The following PARD3 variants were observed in gnomAD, a reference collection of about 807,000 sequenced individuals.
PARD3 encodes par-3 family cell polarity regulator, also known as partitioning defective 3 homolog.
Under a neutral mutation model 155.4 loss-of-function variants are expected in PARD3, and 75 were observed. The ratio of observed to expected loss-of-function variants is 0.48; its 90% CI spans 0.40 to 0.58. PARD3 has a LOEUF of 0.58. Among genes scored for constraint, PARD3 ranks in the 20% least tolerant of loss-of-function variants. The probability of loss-of-function intolerance (pLI) is 0.00; values close to 1 mark genes in which losing one functional copy is unlikely to be tolerated. For missense variants in PARD3, 1,642 were observed against 1,721.7 expected, an observed-to-expected ratio of 0.95 and a Z score of 0.82; for synonymous variants, 576 against 610.5, an observed-to-expected ratio of 0.94 and a Z score of 0.83.
In PARD3 at chr10:34,173,828, C is replaced by T. The variant is rs115881926; in HGVS notation, c.3420-42245G>A. The stretch of plus-strand genomic sequence containing the variant: ...TAATTTTCCACATCAGAGCTCCTGG[C>T]TTCATTTGCCAAATGCCCAAGGCAA... On this transcript the variant is annotated intron_variant, in intron 22 of 24. Coordinates refer to ENST00000374788, the MANE Select transcript of PARD3 (RefSeq NM_001184785.2). Among the ~76,000 whole-genome samples the T allele has an allele frequency of 5.7e-3, 874 of 152,256 alleles. 6 individuals carry two copies. Among genetic ancestry groups the T allele is most frequent in the African/African-American group, 0.02 (823 of 41,526 alleles).
intron 4 of PARD3, among the ~76,000 whole-genome samples, chr10:34,464,389 T>C (rs2077875468): frequency 6.6e-6 from 1 of 152,180 alleles, no homozygotes; most frequent in South Asian, 2.1e-4. Context: ...ATCTAGGACT[T>C]CTCAGAGCAT....
chr10:34,344,703 C>T (rs1441029578), intron 15 of PARD3: 1 of 985,224 alleles, frequency 1.0e-6, no homozygotes, highest in Non-Finnish European at 1.2e-6. Context: ...TGATGAATGT[C>T]CAGGACTATT....
intron 22 of PARD3, among the ~76,000 whole-genome samples, chr10:34,267,946 T>C (rs956921831): frequency 1.2e-4 from 19 of 152,296 alleles, no homozygotes; most frequent in African/African-American, 3.4e-4. Flanking sequence ...CTGGTTTTAA[T>C]GAAACCTGCT....
intron 4 of PARD3, among the ~76,000 whole-genome samples, chr10:34,463,038 AAGGGG>A (rs2077760900): frequency 1.5e-5 from 1 of 67,550 alleles, no homozygotes; most frequent in Non-Finnish European, 2.7e-5. Flanking sequence ...CGAGGAGGGG[AAGGGG>A]AGGAAAGGGA....
chr10:34,312,275 AATTT>A, intron 20 of PARD3: 2 of 1,606,090 alleles, frequency 1.2e-6, no homozygotes, highest in Non-Finnish European at 1.7e-6. Flanking sequence ...ATTAAAAGTA[AATTT>A]ATTGTTTGTT....
At chr10:34,284,272 G>T in intron 20 of PARD3, 27 bp from the exon 21 acceptor site, 1 of 1,303,726 alleles carries the variant, frequency 7.7e-7, no homozygotes, top group Non-Finnish European at 1.1e-6. Flanking sequence ...ATTCTAACTT[G>T]TCAATATATA....
chr10:34,563,403 T>A (rs2085661202), intron 2 of PARD3, among the ~76,000 whole-genome samples: 1 of 152,128 alleles, frequency 6.6e-6, no homozygotes, highest in Non-Finnish European at 1.5e-5. Flanking sequence ...AGTCTCGCAC[T>A]CTCACCAGGC....
At chr10:34,428,604 A>C (rs1439156651) in intron 5 of PARD3, among the ~76,000 whole-genome samples, 2 of 152,224 alleles carry the variant, frequency 1.3e-5, no homozygotes, top group Non-Finnish European at 2.9e-5. Context: ...AAAATGATGT[A>C]GCCCCCTTCA....
chr10:34,328,979 G>C (rs1436742399), intron 19 of PARD3, among the ~76,000 whole-genome samples: 3 of 152,176 alleles, frequency 2.0e-5, no homozygotes, highest in Admixed American at 6.5e-5. Flanking sequence ...TGCCACACGT[G>C]TATTTCCCAG....
At chr10:34,378,212 A>G (rs374516285) in intron 9 of PARD3, 106 bp from the exon 10 acceptor site, 5 of 776,706 alleles carry the variant, frequency 6.4e-6, no homozygotes, top group Non-Finnish European at 1.0e-5. Flanking sequence ...TGTAACTTTC[A>G]CAATGGTCCA....
At chr10:34,374,379 C>T (rs1004476817) in intron 11 of PARD3, among the ~76,000 whole-genome samples, 5 of 152,112 alleles carry the variant, frequency 3.3e-5, no homozygotes, top group East Asian at 3.8e-4. Flanking sequence ...AGGCTTATTG[C>T]CACTTAGGTC....
chr10:34,787,686 C>A (rs1841142545), intron 1 of PARD3, among the ~76,000 whole-genome samples: 1 of 151,958 alleles, frequency 6.6e-6, no homozygotes, highest in Non-Finnish European at 1.5e-5. Flanking sequence ...GAAAAGATAA[C>A]CGTCATAGTC....
chr10:34,325,103 G>A (rs539285323), intron 19 of PARD3, among the ~76,000 whole-genome samples: 2 of 151,964 alleles, frequency 1.3e-5, no homozygotes, highest in South Asian at 2.1e-4. Flanking sequence ...TCCGCCTCCC[G>A]GGTTCAAGCA....
At chr10:34,613,714 G>A (rs1398030213) in intron 2 of PARD3, among the ~76,000 whole-genome samples, 2 of 152,004 alleles carry the variant, frequency 1.3e-5, no homozygotes, top group Non-Finnish European at 2.9e-5. Flanking sequence ...ATTTCCTGTA[G>A]AATAAAAAAA....
intron 2 of PARD3, among the ~76,000 whole-genome samples, chr10:34,540,190 A>T (rs1255997752): frequency 6.6e-6 from 1 of 152,162 alleles, no homozygotes; most frequent in Admixed American, 6.5e-5. Context: ...GTCAAACAAC[A>T]GCACGCATTA....
intron 22 of PARD3, among the ~76,000 whole-genome samples, chr10:34,239,153 C>T (rs1953422427): frequency 6.6e-6 from 1 of 152,208 alleles, no homozygotes; most frequent in Admixed American, 6.5e-5. Flanking sequence ...TATTTAAGGT[C>T]ATGTGAATTC....
chr10:34,612,033 A>G (rs1175243654), intron 2 of PARD3, among the ~76,000 whole-genome samples: 2 of 149,286 alleles, frequency 1.3e-5, no homozygotes, highest in Non-Finnish European at 3.0e-5. Context: ...TCACCGTGTT[A>G]GCCAGGATGG....
intron 1 of PARD3, among the ~76,000 whole-genome samples, chr10:34,783,228 A>G (rs1840481109): frequency 6.6e-6 from 1 of 152,170 alleles, no homozygotes; most frequent in Admixed American, 6.5e-5. Context: ...AAATACATTT[A>G]TCTGAATTTT....
At chr10:34,769,574 G>A (rs192379912) in intron 1 of PARD3, among the ~76,000 whole-genome samples, 6 of 151,552 alleles carry the variant, frequency 4.0e-5, no homozygotes, top group Admixed American at 1.3e-4. Flanking sequence ...TGGGCAACAC[G>A]GCAAAAACCT....
Sources: gnomAD v4.1 joint callset for allele counts (sites outside exome capture counted in the v4.1 genomes callset) on GRCh38, gnomAD v4.1.1 for gene constraint, MANE v1.5 for transcripts, NCBI Gene and HGNC (gene_info 2026-07-23, HGNC 2026-07-21) for gene names.